Variants in NTM observed in about 807,000 individuals in gnomAD.
The protein encoded by NTM is neurotrimin, also known as IgLON family member 2.
NTM carries 13 observed loss-of-function variants against 42.1 expected under a neutral mutation model. The observed-to-expected ratio is 0.31, with a 90% CI of 0.20 to 0.49. NTM has a LOEUF of 0.49. Ranked by LOEUF, NTM falls within the 20% of genes least tolerant of loss-of-function variation. The pLI is 0.99. For synonymous variants in NTM, 187 were observed against 179.2 expected (o/e 1.04, Z -0.35); for missense variants, 373 against 452.8 (o/e 0.82, Z 1.60).
intron 4 of NTM, among the ~76,000 whole-genome samples, chr11:132,220,570 A>G (rs2084941672): frequency 6.6e-6 from 1 of 152,228 alleles, no homozygotes. Context: ...ATCAAGCCTC[A>G]TTCTAGAAAC....
At chr11:131,989,093 C>T (rs902147868) in intron 2 of NTM, among the ~76,000 whole-genome samples, 1 of 152,010 alleles carries the variant, frequency 6.6e-6, no homozygotes, top group African/African-American at 2.4e-5. Flanking sequence ...TATGTTTGAT[C>T]ACTGAGATAC....
intron 1 of NTM, among the ~76,000 whole-genome samples, chr11:131,490,833 G>C (rs1954697593): frequency 6.6e-6 from 1 of 152,226 alleles, no homozygotes; most frequent in South Asian, 2.1e-4. Flanking sequence ...TCACCTGAGA[G>C]AAATTTGAGT....
chr11:131,451,491 G>T (rs1164304786), intron 1 of NTM, among the ~76,000 whole-genome samples: 1 of 152,174 alleles, frequency 6.6e-6, no homozygotes, highest in Non-Finnish European at 1.5e-5. Flanking sequence ...GCGAGACTGG[G>T]GGTGCAGCTG....
At chr11:131,721,665 T>C (rs533263906) in intron 1 of NTM, among the ~76,000 whole-genome samples, 82 of 152,174 alleles carry the variant, frequency 5.4e-4, no homozygotes, top group Non-Finnish European at 5.1e-4. Context: ...CATTAAGGAT[T>C]GTATTGCCAA....
chr11:131,422,501 G>A (rs1345942309), intron 1 of NTM, among the ~76,000 whole-genome samples: 2 of 152,172 alleles, frequency 1.3e-5, no homozygotes, highest in African/African-American at 4.8e-5. Context: ...ATCAGAAGCG[G>A]CAAAGTCCTT....
intron 1 of NTM, among the ~76,000 whole-genome samples, chr11:131,695,900 C>T (rs753517034): frequency 1.1e-4 from 16 of 152,172 alleles, no homozygotes; most frequent in African/African-American, 2.2e-4. Context: ...TTCACTCCTG[C>T]GCTCTGGACT....
intron 2 of NTM, among the ~76,000 whole-genome samples, chr11:132,102,883 C>T (rs371652996): frequency 7.9e-5 from 12 of 152,280 alleles, no homozygotes; most frequent in African/African-American, 2.2e-4. Context: ...CAGCCTGCCC[C>T]AACAGTTACA....
At position 131,701,102 on chromosome 11, in the gene NTM, G is replaced by A. The variant is rs552286655; in HGVS notation, c.83-210462G>A. 4.6e-5 allele frequency among the ~76,000 whole-genome samples: 7 copies of A among 152,260 alleles called. No homozygotes were observed. The South Asian group carries it at 1.0e-3, about 23-fold the overall frequency. On this transcript the variant is annotated intron_variant, in intron 1 of 8. Transcript: ENST00000683400. ...CTTTGTCTTTCTCAGTTTCCAGTTG[G>A]TGGACAGTATAATATACTAAAAGAA...
intron 1 of NTM, among the ~76,000 whole-genome samples, chr11:131,826,206 G>A (rs541880423): frequency 6.6e-6 from 1 of 152,266 alleles, no homozygotes; most frequent in East Asian, 1.9e-4. Context: ...AATTTAGATT[G>A]CTGATGGTTG....
chr11:132,192,925 A>G (rs1451084076), intron 3 of NTM, among the ~76,000 whole-genome samples: 4 of 152,214 alleles, frequency 2.6e-5, no homozygotes, highest in African/African-American at 9.6e-5. Context: ...CTTAATTATA[A>G]AGGGCTCAAT....
intron 7 of NTM, among the ~76,000 whole-genome samples, chr11:132,321,362 G>A (rs1010685755): frequency 1.1e-4 from 16 of 152,260 alleles, no homozygotes; most frequent in African/African-American, 3.6e-4. Context: ...ACCAAGGCTC[G>A]AGAACTACGT....
chr11:131,896,546 T>C (rs1166053492), intron 1 of NTM, among the ~76,000 whole-genome samples: 1 of 152,190 alleles, frequency 6.6e-6, no homozygotes. Context: ...TGAACACTTC[T>C]TGGTAAAGAT....
chr11:131,776,997 C>T (rs1437666113), intron 1 of NTM: 1 of 285,866 alleles, frequency 3.5e-6, no homozygotes, highest in African/African-American at 2.3e-5. Context: ...TGCTTCTCAT[C>T]AACAACAGTG....
At chr11:132,193,483 TAGATC>T (rs1240682207) in intron 3 of NTM, among the ~76,000 whole-genome samples, 2 of 149,718 alleles carry the variant, frequency 1.3e-5, no homozygotes, top group Middle Eastern at 3.2e-3. Flanking sequence ...GAAAAAAAAA[TAGATC>T]AGAATATTTG....
intron 1 of NTM, among the ~76,000 whole-genome samples, chr11:131,507,635 A>G (rs1289321666): frequency 1.3e-5 from 2 of 148,828 alleles, no homozygotes; most frequent in Non-Finnish European, 3.0e-5. Context: ...TGAATCTGTA[A>G]ATTACCTTGG....
Position 131,789,605 on chromosome 11 carries a change from A to AAGG in NTM, c.83-121957_83-121956insGAG, listed in dbSNP as rs1303320721. Among the ~76,000 whole-genome samples, 120 of 75,592 alleles carry AAGG rather than the reference A, an allele frequency of 1.6e-3. 16 individuals carry two copies. Among genetic ancestry groups the AAGG allele is most frequent in the Non-Finnish European group, 2.2e-3 (85 of 38,038 alleles). 49.6% of individuals were successfully genotyped at this position (75,592 alleles called of 152,430 possible). ...GAAGAAGAAGAAGAAGAAGAAGAAG[A>AAGG]AGAAGAAGAAGAAGAAGAAGAAGAA... On this transcript the variant is annotated intron_variant, in intron 1 of 8. Coordinates refer to ENST00000683400, the MANE Select transcript of NTM (RefSeq NM_001352005.2).
chr11:132,152,345 T>C (rs918572954), intron 3 of NTM, among the ~76,000 whole-genome samples: 14 of 152,222 alleles, frequency 9.2e-5, no homozygotes, highest in African/African-American at 3.4e-4. Flanking sequence ...TAGACTGAAG[T>C]CACCTTCTGA....
At chr11:132,274,252 T>A (rs1177862231) in intron 4 of NTM, among the ~76,000 whole-genome samples, 1 of 152,132 alleles carries the variant, frequency 6.6e-6, no homozygotes, top group East Asian at 1.9e-4. Context: ...TTCTGCCTGG[T>A]TTAGGCTTAG....
At chr11:132,255,885 C>T (rs747855523) in intron 4 of NTM, among the ~76,000 whole-genome samples, 2 of 152,142 alleles carry the variant, frequency 1.3e-5, no homozygotes, top group Non-Finnish European at 2.9e-5. Flanking sequence ...GGAAGCTGGT[C>T]TCGGTTGCAC....
Sources: gnomAD v4.1 joint callset for allele counts (sites outside exome capture counted in the v4.1 genomes callset) on GRCh38, gnomAD v4.1.1 for gene constraint, MANE v1.5 for transcripts, NCBI Gene and HGNC (gene_info 2026-07-23, HGNC 2026-07-21) for gene names.